The following EBF3 variants were observed in gnomAD, a reference collection of about 807,000 sequenced individuals.
The protein encoded by EBF3 is transcription factor COE3.
Under a neutral mutation model 77.1 loss-of-function variants are expected in EBF3, and 18 were observed. The ratio of observed to expected loss-of-function variants is 0.23; its 90% CI spans 0.16 to 0.35. The LOEUF (loss-of-function observed/expected upper bound fraction) is 0.35, where lower values mean the gene tolerates loss of function less well. EBF3 is among the 10% of genes least tolerant of loss of function. EBF3 has a pLI of 1.00. For synonymous variants in EBF3, 350 were observed against 343.5 expected, an observed-to-expected ratio of 1.02 and a Z score of -0.21; for missense variants, 558 against 860.0, an observed-to-expected ratio of 0.65 and a Z score of 4.39.
intron 10 of EBF3, among the ~76,000 whole-genome samples, chr10:129,860,061 T>G (rs1195724996): frequency 6.6e-6 from 1 of 152,160 alleles, no homozygotes; most frequent in Non-Finnish European, 1.5e-5. Context: ...TATTTAATTT[T>G]ACATGTTATT....
intron 6 of EBF3, among the ~76,000 whole-genome samples, chr10:129,889,611 A>G (rs1457813065): frequency 6.6e-6 from 1 of 152,154 alleles, no homozygotes; most frequent in East Asian, 1.9e-4. Flanking sequence ...CCCTTGACTC[A>G]TTTGATAAGA....
chr10:129,957,264 A>G lies in EBF3; in HGVS notation c.548T>C (p.Ile183Thr). ...ATAAAGAAGTCATCCTTACCTGTCA[A>G]TGATTACAGGGTCTGAGGGCGTTTC... is the stretch of plus-strand genomic sequence containing the variant. Reference protein sequence around the residue: ...RNETPSDPVIIDRFFLKFFLK... With the variant: ...RNETPSDPVITDRFFLKFFLK... The change falls in exon 6 of 17, where the codon ATT becomes ACT. Residue 183 changes from isoleucine to threonine, a missense_variant. Ile to Thr is a moderately conservative substitution (Grantham distance 89). This residue lies in a region of EBF3 where 14 missense variants were observed against 87.3 expected (regional missense o/e 0.16). Transcript: ENST00000440978. 6.2e-7 allele frequency: 1 copy of G among 1,604,646 alleles called. No homozygotes were observed.
At chr10:129,846,435 G>C (rs1432182963) in intron 11 of EBF3, among the ~76,000 whole-genome samples, 1 of 151,710 alleles carries the variant, frequency 6.6e-6, no homozygotes, top group Admixed American at 6.6e-5. Context: ...AGCACTCCTC[G>C]GCAAAGCCTT....
At chr10:129,941,670 A>G (rs562297158) in intron 6 of EBF3, among the ~76,000 whole-genome samples, 1 of 152,356 alleles carries the variant, frequency 6.6e-6, no homozygotes, top group East Asian at 1.9e-4. Flanking sequence ...GGCAGTGAGC[A>G]GCGCTCCATC....
At chr10:129,948,940 C>T (rs1187586158) in intron 6 of EBF3, among the ~76,000 whole-genome samples, 1 of 152,166 alleles carries the variant, frequency 6.6e-6, no homozygotes, top group Non-Finnish European at 1.5e-5. Flanking sequence ...AGGACACCTG[C>T]ATTAATCTGT....
At chr10:129,962,009 C>T (rs900359428) in intron 4 of EBF3, among the ~76,000 whole-genome samples, 162 bp downstream of exon 4, 3 of 152,170 alleles carry the variant, frequency 2.0e-5, no homozygotes, top group African/African-American at 7.2e-5. Context: ...TTTTACCAAT[C>T]GCTTCATTCA....
At chr10:129,924,274 G>C (rs898166701) in intron 6 of EBF3, among the ~76,000 whole-genome samples, 2 of 152,092 alleles carry the variant, frequency 1.3e-5, no homozygotes, top group African/African-American at 4.8e-5. Context: ...CATTAGCCAG[G>C]CGTGATGGTA....
rs928345290 is a variant in EBF3, at chr10:129,864,291, C to T, written c.1039+2850G>A. Among the ~76,000 whole-genome samples the T allele has an allele frequency of 5.3e-5, 8 of 152,108 alleles. No individual in the cohort carries two copies. Among genetic ancestry groups the T allele is most frequent in the African/African-American group, 2.4e-5 (1 of 41,420 alleles). The stretch of plus-strand genomic sequence containing the variant: ...CCGGCCATGCTGGGAATTGGGGGGA[C>T]GCTGACATCACAGGCTCCGCCACAC... On this transcript the variant is annotated intron_variant, in intron 10 of 16. Coordinates refer to ENST00000440978, the MANE Select transcript of EBF3 (RefSeq NM_001375380.1). The surrounding 1 kb of genome is among the most constrained non-coding windows in gnomAD (Gnocchi z 4.4).
At chr10:129,901,764 C>T (rs918809992) in intron 6 of EBF3, among the ~76,000 whole-genome samples, 3 of 152,160 alleles carry the variant, frequency 2.0e-5, no homozygotes, top group Non-Finnish European at 4.4e-5. Context: ...AATCGCACAG[C>T]GGCGCCCTCG....
intron 10 of EBF3, among the ~76,000 whole-genome samples, chr10:129,855,734 T>C (rs1186960731): frequency 1.3e-5 from 2 of 152,186 alleles, no homozygotes; most frequent in Non-Finnish European, 2.9e-5. Flanking sequence ...AAAAGATGTG[T>C]GCGATTGAAT....
At chr10:129,948,467 C>T (rs1428555211) in intron 6 of EBF3, among the ~76,000 whole-genome samples, 1 of 152,084 alleles carries the variant, frequency 6.6e-6, no homozygotes, top group African/African-American at 2.4e-5. Flanking sequence ...ATGGCAGGTA[C>T]GTGCCACGAT....
chr10:129,925,633 T>C (rs969029872), intron 6 of EBF3, among the ~76,000 whole-genome samples: 3 of 151,074 alleles, frequency 2.0e-5, no homozygotes, highest in Non-Finnish European at 2.9e-5. Context: ...AGTAATGGTG[T>C]GATGCTTACA....
Position 129,963,324 on chromosome 10 carries a change from G to C in EBF3, c.291+43C>G. The C allele has an allele frequency of 6.4e-7, 1 of 1,552,038 alleles. No homozygotes were observed. The highest frequency in any genetic ancestry group is 8.7e-7 in the Non-Finnish European group (1 of 1,151,558). On this transcript the variant is annotated intron_variant, in intron 2 of 16. Coordinates refer to ENST00000440978, the MANE Select transcript of EBF3 (RefSeq NM_001375380.1). This position sits in a 1 kb window ranked among gnomAD's most constrained non-coding sequence, Gnocchi z 7.1. ...CGCGCACCGGCACCGCCTGCCTCCCGCTTCTAGAAAGAGAGAGGGTGTGAT... is the reference window on the plus strand; with the variant it reads ...CGCGCACCGGCACCGCCTGCCTCCCCCTTCTAGAAAGAGAGAGGGTGTGAT...
intron 11 of EBF3, among the ~76,000 whole-genome samples, chr10:129,844,666 C>T (rs1239244253): frequency 1.3e-5 from 2 of 152,078 alleles, no homozygotes; most frequent in African/African-American, 2.4e-5. Context: ...AGGAACAGCA[C>T]TTAATCCAGA....
Position 129,963,963 on chromosome 10 carries a change from G to A in EBF3, c.-195C>T. On this transcript the variant is annotated 5_prime_UTR_variant, in exon 1 of 17. Transcript: ENST00000440978. This position sits in a 1 kb window ranked among gnomAD's most constrained non-coding sequence, Gnocchi z 7.1. ...GCGGCCGGGCGCTCCGGACGGCCAGGGGCGCGGAGGCGGCTCCACCGGCGG... is the reference window on the plus strand; with the variant it reads ...GCGGCCGGGCGCTCCGGACGGCCAGAGGCGCGGAGGCGGCTCCACCGGCGG... 4.9e-6 allele frequency: 5 copies of A among 1,030,134 alleles called. No homozygotes were observed. Among genetic ancestry groups the A allele is most frequent in the Non-Finnish European group, 5.8e-6 (5 of 861,054 alleles). The allele number at this position is 1,030,134 out of a possible 1,614,324, so 63.8% of individuals were successfully genotyped here.
Position 129,935,907 on chromosome 10 carries a change from C to T in EBF3, c.554+21351G>A, listed in dbSNP as rs1228131793. Among the ~76,000 whole-genome samples the T allele has an allele frequency of 1.3e-5, 2 of 152,050 alleles. No homozygotes were observed. Among genetic ancestry groups the T allele is most frequent in the Non-Finnish European group, 2.9e-5 (2 of 68,008 alleles). ...TGGACAAAGGAATGGCCGGGGAAGG[C>T]AGAGCCCAAGCAGCCCTGGAGCACC... is the stretch of plus-strand genomic sequence containing the variant. On this transcript the variant is annotated intron_variant, in intron 6 of 16. Coordinates refer to ENST00000440978, the MANE Select transcript of EBF3 (RefSeq NM_001375380.1). The surrounding 1 kb of genome is among the most constrained non-coding windows in gnomAD (Gnocchi z 4.2).
rs1857976008 is a variant in EBF3, at chr10:129,943,848, T to C, written c.554+13410A>G. Among the ~76,000 whole-genome samples, 1 of 152,186 alleles carries C rather than the reference T, an allele frequency of 6.6e-6. No homozygotes were observed. Among genetic ancestry groups the C allele is most frequent in the Non-Finnish European group, 1.5e-5 (1 of 68,034 alleles). ...TTCTGTGCTGAGCTCTCTGGAACCA[T>C]ATGTTCAGCAACGTTATGGAGGGCG... On this transcript the variant is annotated intron_variant, in intron 6 of 16. Transcript: ENST00000440978. This position sits in a 1 kb window ranked among gnomAD's most constrained non-coding sequence, Gnocchi z 8.8.
At position 129,935,127 on chromosome 10, in the gene EBF3, A is replaced by G. The variant is rs560269114; in HGVS notation, c.554+22131T>C. Among the ~76,000 whole-genome samples, 1 of 152,292 alleles carries G rather than the reference A, an allele frequency of 6.6e-6. No homozygotes were observed. The highest frequency in any genetic ancestry group is 2.1e-4 in the South Asian group (1 of 4,822). The stretch of plus-strand genomic sequence containing the variant: ...CGGTTCCCTAAGAACCGGACCCTCT[A>G]GTGGATCATGATGTGGATGCATTTT... On this transcript the variant is annotated intron_variant, in intron 6 of 16. Coordinates refer to ENST00000440978, the MANE Select transcript of EBF3 (RefSeq NM_001375380.1). The surrounding 1 kb of genome is among the most constrained non-coding windows in gnomAD (Gnocchi z 4.2).
At chr10:129,951,963 G>T (rs1858714290) in intron 6 of EBF3, among the ~76,000 whole-genome samples, 1 of 152,258 alleles carries the variant, frequency 6.6e-6, no homozygotes, top group African/African-American at 2.4e-5. Context: ...TACTGGCGCT[G>T]CCAGGGAATA....
Sources: gnomAD v4.1 joint callset for allele counts (sites outside exome capture counted in the v4.1 genomes callset) on GRCh38, gnomAD v4.1.1 for gene constraint, gnomAD v4.1.1 regional missense constraint, Gnocchi (gnomAD v3.1) non-coding constraint, MANE v1.5 for transcripts, NCBI Gene and HGNC (gene_info 2026-07-23, HGNC 2026-07-21) for gene names.